Variants in PXK observed in about 807,000 individuals in gnomAD.
The protein encoded by PXK is PX domain-containing protein kinase-like protein.
A neutral mutation model predicts 84.7 loss-of-function variants in PXK; 35 were observed. The observed-to-expected ratio is 0.41, with a 90% CI of 0.32 to 0.55. The LOEUF (loss-of-function observed/expected upper bound fraction) is 0.55, where lower values mean the gene tolerates loss of function less well. Ranked by LOEUF, PXK falls within the 20% of genes least tolerant of loss-of-function variation. The pLI, the probability that PXK is intolerant of heterozygous loss-of-function variation, is 0.21. For synonymous variants in PXK, 253 were observed against 260.8 expected, an observed-to-expected ratio of 0.97 and a Z score of 0.29; for missense variants, 634 against 699.7, an observed-to-expected ratio of 0.91 and a Z score of 1.06.
chr3:58,337,151 A>T (rs2097636765), intron 1 of PXK, among the ~76,000 whole-genome samples: 1 of 152,160 alleles, frequency 6.6e-6, no homozygotes, highest in Non-Finnish European at 1.5e-5. Context: ...GTTCATCTGG[A>T]TCAGGGACTG....
In PXK at chr3:58,409,763, G is replaced by T; in HGVS notation, c.1395+145G>T. On this transcript the variant is annotated intron_variant, in intron 15 of 17. Coordinates refer to ENST00000356151, the MANE Select transcript of PXK (RefSeq NM_017771.5). The surrounding 1 kb of genome is among the most constrained non-coding windows in gnomAD (Gnocchi z 4.2). ...ACTATTTCCAGATGACTGGGGTGCA[G>T]TTTTTTTGGGGAAAAAAAAAGAGTC... The T allele has an allele frequency of 1.6e-6, 1 of 625,540 alleles. No individual in the cohort carries two copies. Among genetic ancestry groups the T allele is most frequent in the Non-Finnish European group, 2.7e-6 (1 of 374,608 alleles). 38.7% of individuals were successfully genotyped at this position (625,540 alleles called of 1,614,324 possible). A position where few individuals can be genotyped will look rare whatever the true frequency, so the allele number is the denominator to read the frequency against.
chr3:58,406,167 A>G (rs2059375303), intron 13 of PXK, among the ~76,000 whole-genome samples: 1 of 151,892 alleles, frequency 6.6e-6, no homozygotes, highest in Admixed American at 6.6e-5. Flanking sequence ...GGGTTTCATT[A>G]TGTTGGTCAG....
rs554410392 is a variant in PXK at position 58,399,246 on chromosome 3, T to C, written c.1103-53T>C. ...TGGTGTTAAACTTTTCATCAGCAAG[T>C]GGATTTGCCAGCGTGTTCTGTGGAA... On this transcript the variant is annotated intron_variant, in intron 11 of 17. Coordinates refer to ENST00000356151, the MANE Select transcript of PXK (RefSeq NM_017771.5). The surrounding 1 kb of genome is among the most constrained non-coding windows in gnomAD (Gnocchi z 4.3). 8 of 1,512,896 alleles carry C rather than the reference T, an allele frequency of 5.3e-6. No homozygotes were observed. In the East Asian group the frequency reaches 1.8e-4, roughly 34 times the overall value. 93.7% of individuals were successfully genotyped at this position (1,512,896 alleles called of 1,614,324 possible).
intron 13 of PXK, among the ~76,000 whole-genome samples, chr3:58,406,530 T>C (rs185979682): frequency 6.6e-6 from 1 of 152,284 alleles, no homozygotes; most frequent in African/African-American, 2.4e-5. Flanking sequence ...CCCAAAGTGC[T>C]GGGATTACAG....
rs76200801 is a variant in PXK, at chr3:58,380,001, A to C, written c.202-2513A>C. On this transcript the variant is annotated intron_variant, in intron 3 of 17. Coordinates refer to ENST00000356151, the MANE Select transcript of PXK (RefSeq NM_017771.5). The stretch of plus-strand genomic sequence containing the variant: ...ACAAAACAAAACAAAAAGAGCAGAA[A>C]ATTAAAAAGATAAAATTACAGGAGC... Among the ~76,000 whole-genome samples the C allele has an allele frequency of 1.1e-3, 171 of 152,150 alleles. 1 individual carries two copies. The highest frequency in any genetic ancestry group is 1.5e-3 in the Non-Finnish European group (102 of 68,004).
chr3:58,382,796 G>T, intron 4 of PXK, 96 bp downstream of exon 4: 1 of 948,646 alleles, frequency 1.1e-6, no homozygotes, highest in Non-Finnish European at 1.5e-6. Flanking sequence ...TTCTCAAAAT[G>T]GGGATGTGTA....
chr3:58,358,963 T>C (rs976517598), intron 1 of PXK, among the ~76,000 whole-genome samples: 1 of 152,174 alleles, frequency 6.6e-6, no homozygotes, highest in Admixed American at 6.5e-5. Context: ...ATTATATCTA[T>C]ACACAGGAAA....
At position 58,333,347 on chromosome 3, in the gene PXK, C is replaced by A; in HGVS notation, c.102+257C>A. ...CCGCGGGGTGGAAGGAGCTCGGCGG[C>A]GACCAGGAAAGCGACTCCGAGTTGG... On this transcript the variant is annotated intron_variant, in intron 1 of 17. Transcript: ENST00000356151. The surrounding 1 kb of genome is among the most constrained non-coding windows in gnomAD (Gnocchi z 5.4). 3.3e-6 allele frequency: 1 copy of A among 299,288 alleles called. No homozygotes were observed. The highest frequency in any genetic ancestry group is 2.7e-5 in the South Asian group (1 of 36,664). 18.5% of individuals were successfully genotyped at this position (299,288 alleles called of 1,614,324 possible). A position where few individuals can be genotyped will look rare whatever the true frequency, so the allele number is the denominator to read the frequency against.
Position 58,383,322 on chromosome 3 carries a change from C to G in PXK, c.388+622C>G, listed in dbSNP as rs900262555. On this transcript the variant is annotated intron_variant, in intron 4 of 17. Coordinates refer to ENST00000356151, the MANE Select transcript of PXK (RefSeq NM_017771.5). The surrounding 1 kb of genome is among the most constrained non-coding windows in gnomAD (Gnocchi z 4.0). ...GATAATAATAATAATAATTAATCCA[C>G]AATAACGCATACAGTAATTTTTATA... Among the ~76,000 whole-genome samples the G allele has an allele frequency of 6.6e-6, 1 of 152,146 alleles. No individual in the cohort carries two copies. Among genetic ancestry groups the G allele is most frequent in the African/African-American group, 2.4e-5 (1 of 41,430 alleles).
chr3:58,340,182 G>C (rs2097705717), intron 1 of PXK, among the ~76,000 whole-genome samples: 1 of 151,260 alleles, frequency 6.6e-6, no homozygotes, highest in African/African-American at 2.4e-5. Context: ...GGGCAGTGTG[G>C]AGTAATCTTG....
intron 17 of PXK, among the ~76,000 whole-genome samples, chr3:58,418,564 C>G (rs1169345381): frequency 6.6e-6 from 1 of 152,206 alleles, no homozygotes; most frequent in Non-Finnish European, 1.5e-5. Context: ...TGAGTCCTAG[C>G]TCTGCCACAT....
Position 58,421,004 on chromosome 3 carries a change from G to A in PXK, c.1529-3748G>A, listed in dbSNP as rs151335500. ...CAACTTACTGGCTTTTATAACTGAC[G>A]GTAGGGAAAAACAGTTCTTTTGTAA... On this transcript the variant is annotated intron_variant, in intron 17 of 17. Coordinates refer to ENST00000356151, the MANE Select transcript of PXK (RefSeq NM_017771.5). The surrounding 1 kb of genome is among the most constrained non-coding windows in gnomAD (Gnocchi z 5.5). 191 of 1,003,356 alleles carry A rather than the reference G, an allele frequency of 1.9e-4. 1 individual carries two copies. In the African/African-American group the frequency reaches 2.1e-3, roughly 11 times the overall value. The allele number at this position is 1,003,356 out of a possible 1,614,324, so 62.2% of individuals were successfully genotyped here.
chr3:58,411,521 A>G lies in PXK; in HGVS notation c.1465+1362A>G, dbSNP rs2060203148. On this transcript the variant is annotated intron_variant, in intron 16 of 17. Coordinates refer to ENST00000356151, the MANE Select transcript of PXK (RefSeq NM_017771.5). This position sits in a 1 kb window ranked among gnomAD's most constrained non-coding sequence, Gnocchi z 4.2. ...GGAGGGACATGGACCGGTCATGGTC[A>G]TTATTATACTGAGACTCATGATTCC... 6.6e-6 allele frequency among the ~76,000 whole-genome samples: 1 copy of G among 152,132 alleles called. No individual in the cohort carries two copies. The highest frequency in any genetic ancestry group is 6.5e-5 in the Admixed American group (1 of 15,272).
At chr3:58,422,080 G>A in intron 17 of PXK, 2 of 985,342 alleles carry the variant, frequency 2.0e-6, no homozygotes, top group Non-Finnish European at 2.4e-6. Flanking sequence ...TGTTGCCCCT[G>A]CCCCCTCTTC....
In PXK at chr3:58,410,559, C is replaced by T. The variant is rs576400328; in HGVS notation, c.1465+400C>T. On this transcript the variant is annotated intron_variant, in intron 16 of 17. Transcript: ENST00000356151. The stretch of plus-strand genomic sequence containing the variant: ...ACCCCATGTGATGGGAGGATGTGCT[C>T]TCCTGTGTGAATTAAGGAAAGGACT... Among the ~76,000 whole-genome samples the T allele has an allele frequency of 1.4e-4, 22 of 152,304 alleles. No individual in the cohort carries two copies. In the South Asian group the frequency reaches 4.4e-3, roughly 30 times the overall value.
rs950215590 is a variant in PXK at position 58,365,330 on chromosome 3, C to A, written c.103-544C>A. Among the ~76,000 whole-genome samples, 13 of 151,978 alleles carry A rather than the reference C, an allele frequency of 8.6e-5. 1 individual carries two copies. Among genetic ancestry groups the A allele is most frequent in the Admixed American group, 8.5e-4 (13 of 15,240 alleles). ...ACTGTTGTGGAGATTTTCCTGTTAC[C>A]AATCTTACTGATTTCTAGTTTGTAT... On this transcript the variant is annotated intron_variant, in intron 1 of 17. Transcript: ENST00000356151.
In PXK at chr3:58,411,056, C is replaced by T. The variant is rs773690046; in HGVS notation, c.1465+897C>T. Among the ~76,000 whole-genome samples the T allele has an allele frequency of 3.9e-5, 6 of 152,082 alleles. No individual in the cohort carries two copies. The highest frequency in any genetic ancestry group is 5.9e-5 in the Non-Finnish European group (4 of 68,026). On this transcript the variant is annotated intron_variant, in intron 16 of 17. Coordinates refer to ENST00000356151, the MANE Select transcript of PXK (RefSeq NM_017771.5). This position sits in a 1 kb window ranked among gnomAD's most constrained non-coding sequence, Gnocchi z 4.2. ...AGGAAACCCATGCATCTCTTCCTAG[C>T]GGTAGGATTTGGTGTGGGCAGGTGA...
chr3:58,375,262 A>C (rs911634183), intron 3 of PXK, among the ~76,000 whole-genome samples: 2 of 152,218 alleles, frequency 1.3e-5, no homozygotes, highest in Non-Finnish European at 2.9e-5. Context: ...AAATCTGTCG[A>C]TACTGGGTAA....
intron 1 of PXK, among the ~76,000 whole-genome samples, chr3:58,351,395 T>TGTGTGTGTGTG (rs2097920196): frequency 1.4e-5 from 2 of 140,688 alleles, no homozygotes; most frequent in South Asian, 4.8e-4. Flanking sequence ...AGCTAGCTAT[T>TGTGTGTGTGTG]TGTGTGTGTG....
Sources: gnomAD v4.1 joint callset for allele counts (sites outside exome capture counted in the v4.1 genomes callset) on GRCh38, gnomAD v4.1.1 for gene constraint, Gnocchi (gnomAD v3.1) non-coding constraint, MANE v1.5 for transcripts, NCBI Gene and HGNC (gene_info 2026-07-23, HGNC 2026-07-21) for gene names.